EXOC2: variants seen among roughly 807,000 people sequenced by gnomAD.
EXOC2 encodes exocyst complex component 2.
In EXOC2, 70 loss-of-function variants were observed where a neutral mutation model predicts 131.8. The observed-to-expected ratio is 0.53, with a 90% CI of 0.44 to 0.65. The LOEUF (loss-of-function observed/expected upper bound fraction) is 0.65, where lower values mean the gene tolerates loss of function less well. Ranked by LOEUF, EXOC2 falls within the 30% of genes least tolerant of loss-of-function variation. The probability of loss-of-function intolerance (pLI) is 0.00; values close to 1 mark genes in which losing one functional copy is unlikely to be tolerated. For missense variants in EXOC2, 923 were observed against 1,108.6 expected, an observed-to-expected ratio of 0.83 and a Z score of 2.38; for synonymous variants, 411 against 398.4, an observed-to-expected ratio of 1.03 and a Z score of -0.38.
intron 1 of EXOC2, among the ~76,000 whole-genome samples, chr6:640,630 T>C (rs903192188): frequency 4.6e-5 from 7 of 152,094 alleles, no homozygotes; most frequent in African/African-American, 1.7e-4. Context: ...GGTGTCCTTA[T>C]TGGAAGAATT....
At chr6:670,266 T>C (rs1763804811) in intron 1 of EXOC2, 1 of 152,240 alleles carries the variant, frequency 6.6e-6, no homozygotes, top group Admixed American at 6.5e-5. Context: ...GCAGGTTCTT[T>C]GGCTGTATGT....
chr6:556,380 G>A (rs1479964595), intron 18 of EXOC2, 104 bp downstream of exon 18: 6 of 1,166,174 alleles, frequency 5.1e-6, no homozygotes, highest in African/African-American at 1.5e-5. Context: ...ACAAGCAGGC[G>A]AAGAGGGAGA....
At chr6:610,313 C>A in intron 6 of EXOC2, 135 bp from the exon 7 acceptor site, 1 of 729,560 alleles carries the variant, frequency 1.4e-6, no homozygotes. Flanking sequence ...AAACATGCTA[C>A]CCTGTACAAG....
chr6:488,883 C>T (rs964917739), intron 27 of EXOC2, 96 bp downstream of exon 27: 152 of 1,304,642 alleles, frequency 1.2e-4, no homozygotes, highest in Non-Finnish European at 1.6e-4. Flanking sequence ...TCTGCTCTTC[C>T]TAGAATCCAA....
At chr6:595,368 T>C (rs1759753363) in intron 10 of EXOC2, among the ~76,000 whole-genome samples, 1 of 152,078 alleles carries the variant, frequency 6.6e-6, no homozygotes, top group South Asian at 2.1e-4. Flanking sequence ...TGATCTTATT[T>C]TTCTATTTCT....
intron 6 of EXOC2, 26 bp downstream of exon 6, chr6:617,685 G>T (rs771527714): frequency 1.9e-6 from 3 of 1,601,788 alleles, no homozygotes; most frequent in Non-Finnish European, 2.6e-6. Context: ...GAAGCTGCCA[G>T]CAGATGGCTC....
chr6:564,190 G>C (rs755464835), intron 15 of EXOC2, 36 bp from the exon 16 acceptor site: 5 of 1,606,404 alleles, frequency 3.1e-6, no homozygotes, highest in Non-Finnish European at 4.3e-6. Flanking sequence ...AGTGAGCAGA[G>C]TGGGATCGCA....
chr6:512,753 G>T (rs1415995366), intron 23 of EXOC2, among the ~76,000 whole-genome samples: 1 of 152,132 alleles, frequency 6.6e-6, no homozygotes, highest in Admixed American at 6.5e-5. Context: ...TGAAAAGTTG[G>T]GCCTAGTTCC....
chr6:597,012 C>A (rs543282295), intron 10 of EXOC2, among the ~76,000 whole-genome samples: 2 of 152,250 alleles, frequency 1.3e-5, no homozygotes, highest in African/African-American at 4.8e-5. Flanking sequence ...TTGCAACTAT[C>A]CTGAGATGCA....
At chr6:528,815 C>T (rs948313281) in intron 23 of EXOC2, among the ~76,000 whole-genome samples, 3 of 152,208 alleles carry the variant, frequency 2.0e-5, no homozygotes, top group African/African-American at 7.2e-5. Context: ...AATTCACAAC[C>T]GAGGCTTGTC....
chr6:568,202 G>A (rs933709912), intron 13 of EXOC2, among the ~76,000 whole-genome samples: 1 of 152,198 alleles, frequency 6.6e-6, no homozygotes, highest in South Asian at 2.1e-4. Flanking sequence ...ATTAACATGC[G>A]CATCAATGCA....
At chr6:588,094 T>A (rs533854995) in intron 11 of EXOC2, among the ~76,000 whole-genome samples, 1 of 152,294 alleles carries the variant, frequency 6.6e-6, no homozygotes, top group South Asian at 2.1e-4. Context: ...CTTTTAAATA[T>A]AAGTGGGATT....
chr6:564,197 C>G (rs373655536), intron 15 of EXOC2, 43 bp from the exon 16 acceptor site: 1 of 1,602,042 alleles, frequency 6.2e-7, no homozygotes, highest in Non-Finnish European at 8.5e-7. Context: ...AGAGTGGGAT[C>G]GCAAAGCAAT....
At chr6:584,494 T>C (rs1759092162) in intron 11 of EXOC2, among the ~76,000 whole-genome samples, 1 of 152,246 alleles carries the variant, frequency 6.6e-6, no homozygotes, top group Non-Finnish European at 1.5e-5. Flanking sequence ...TAAATGTTTT[T>C]ATTTCTTTCA....
intron 23 of EXOC2, among the ~76,000 whole-genome samples, chr6:516,865 C>A (rs1445815213): frequency 6.6e-6 from 1 of 152,178 alleles, no homozygotes; most frequent in African/African-American, 2.4e-5. Context: ...GTTCCTAGTA[C>A]AGATATAGAA....
At chr6:589,519 CAT>C (rs1419605722) in intron 11 of EXOC2, among the ~76,000 whole-genome samples, 1 of 152,250 alleles carries the variant, frequency 6.6e-6, no homozygotes, top group Non-Finnish European at 1.5e-5. Flanking sequence ...CCCTTCCTAT[CAT>C]ACATTTTCAT....
rs1254168019 is a variant in EXOC2, at chr6:506,677, T to C, written c.2381-6977A>G. On this transcript the variant is annotated intron_variant, in intron 23 of 27. Transcript: ENST00000230449. The surrounding 1 kb of genome is among the most constrained non-coding windows in gnomAD (Gnocchi z 4.4). The stretch of plus-strand genomic sequence containing the variant: ...CCCACACAGTATCAACCTAGACTAC[T>C]ACCACTTAGCAATTAATCTAGTAGC... Among the ~76,000 whole-genome samples, 2 of 151,836 alleles carry C rather than the reference T, an allele frequency of 1.3e-5. No homozygotes were observed. The highest frequency in any genetic ancestry group is 6.6e-5 in the Admixed American group (1 of 15,236).
chr6:644,468 T>C (rs1344535893), intron 1 of EXOC2, among the ~76,000 whole-genome samples: 6 of 152,152 alleles, frequency 3.9e-5, no homozygotes. Context: ...CTCTCTTTCC[T>C]TGCCTATTCA....
chr6:490,150 G>T (rs946213395), intron 26 of EXOC2, among the ~76,000 whole-genome samples: 1 of 151,962 alleles, frequency 6.6e-6, no homozygotes, highest in Non-Finnish European at 1.5e-5. Flanking sequence ...CATATTATTG[G>T]CAGGGTACTG....
Sources: gnomAD v4.1 joint callset for allele counts (sites outside exome capture counted in the v4.1 genomes callset) on GRCh38, gnomAD v4.1.1 for gene constraint, Gnocchi (gnomAD v3.1) non-coding constraint, MANE v1.5 for transcripts, NCBI Gene and HGNC (gene_info 2026-07-23, HGNC 2026-07-21) for gene names.